Variants in TENM3 observed in about 807,000 individuals in gnomAD.
The protein encoded by TENM3 is teneurin transmembrane protein 3.
A neutral mutation model predicts 255.1 loss-of-function variants in TENM3; 63 were observed. That is an observed-to-expected ratio of 0.25 (90% CI 0.20 to 0.30). TENM3 has a LOEUF of 0.30. TENM3 is among the 10% of genes least tolerant of loss of function. TENM3 has a pLI of 1.00. For missense variants in TENM3, 2,929 were observed against 3,461.1 expected (o/e 0.85, Z 3.86); for synonymous variants, 1,306 against 1,322.3 (o/e 0.99, Z 0.27).
chr4:182,054,649 A>G, the TENM3 span, among the ~76,000 whole-genome samples: 3 of 152,202 alleles, frequency 2.0e-5, no homozygotes, highest in Admixed American at 6.5e-5. Flanking sequence ...TAGATTGGTT[A>G]TAACATGATT....
intron 1 of TENM3, among the ~76,000 whole-genome samples, chr4:182,148,052 A>G (rs1437597995): frequency 5.3e-5 from 8 of 152,308 alleles, no homozygotes; most frequent in African/African-American, 1.9e-4. Flanking sequence ...CTTAGTCTGA[A>G]AACTAATTGT....
intron 3 of TENM3, among the ~76,000 whole-genome samples, chr4:182,436,718 T>C (rs1314267152): frequency 6.6e-6 from 1 of 152,174 alleles, no homozygotes. Flanking sequence ...TTCTAAAAAA[T>C]GCACCAGTGC....
At chr4:182,191,001 T>C (rs1173209880) in intron 1 of TENM3, among the ~76,000 whole-genome samples, 1 of 152,190 alleles carries the variant, frequency 6.6e-6, no homozygotes, top group Non-Finnish European at 1.5e-5. Flanking sequence ...GATATCCTGG[T>C]TAACCATTTT....
rs539755233 is a variant in TENM3 at position 182,753,658 on chromosome 4, T to C, written c.4017+54T>C. 160 of 1,561,546 alleles carry C rather than the reference T, an allele frequency of 1.0e-4. 1 individual carries two copies. The highest frequency in any genetic ancestry group is 1.0e-3 in the Middle Eastern group (6 of 5,904). On this transcript the variant is annotated intron_variant, in intron 21 of 27. Transcript: ENST00000511685. ...TTTTTCCTCTAGGTGACTTGACTTA[T>C]TCAGTCGGTAGACTATGATGGCACC... is the stretch of plus-strand genomic sequence containing the variant.
chr4:182,778,409 C>T (rs1047899270), intron 24 of TENM3, among the ~76,000 whole-genome samples: 3 of 152,248 alleles, frequency 2.0e-5, no homozygotes, highest in Admixed American at 6.5e-5. Context: ...TTAATCTGAG[C>T]GGCACGGCCT....
chr4:182,225,493 T>C (rs1164491512), intron 1 of TENM3, among the ~76,000 whole-genome samples: 1 of 152,034 alleles, frequency 6.6e-6, no homozygotes, highest in Non-Finnish European at 1.5e-5. Context: ...TTTTCAGTGG[T>C]GAATTCTGTG....
the TENM3 span, among the ~76,000 whole-genome samples, chr4:182,066,784 G>A: frequency 5.3e-5 from 8 of 152,002 alleles, no homozygotes; most frequent in East Asian, 1.2e-3. Context: ...GGTGGCAGGC[G>A]CCTGTAGTCC....
chr4:182,670,433 C>T (rs1755105455), intron 6 of TENM3, among the ~76,000 whole-genome samples: 1 of 152,178 alleles, frequency 6.6e-6, no homozygotes, highest in Admixed American at 6.5e-5. Flanking sequence ...TAGTACAACC[C>T]TCTTCTGCCT....
At chr4:182,393,924 A>T (rs1243523604) in intron 3 of TENM3, among the ~76,000 whole-genome samples, 1 of 152,234 alleles carries the variant, frequency 6.6e-6, no homozygotes, top group Admixed American at 6.5e-5. Flanking sequence ...ATATTATGAC[A>T]TACCAGTCAT....
chr4:181,863,008 C>A, the TENM3 span, among the ~76,000 whole-genome samples: 3 of 152,192 alleles, frequency 2.0e-5, no homozygotes, highest in South Asian at 6.2e-4. Context: ...TTCACAAATA[C>A]GCATGAAAAA....
intron 12 of TENM3, among the ~76,000 whole-genome samples, chr4:182,702,965 T>G (rs555251614): frequency 2.6e-5 from 4 of 152,174 alleles, no homozygotes; most frequent in African/African-American, 9.6e-5. Context: ...CTCGATCTCC[T>G]GACCTCGTGA....
the TENM3 span, among the ~76,000 whole-genome samples, chr4:181,508,976 G>A: frequency 2.3e-5 from 3 of 133,212 alleles, no homozygotes; most frequent in East Asian, 2.2e-4. Flanking sequence ...TGAGCAGCAC[G>A]TACAGGCAAT....
At chr4:181,626,320 G>A in the TENM3 span, among the ~76,000 whole-genome samples, 1 of 152,212 alleles carries the variant, frequency 6.6e-6, no homozygotes, top group African/African-American at 2.4e-5. Context: ...GCTGAGGACA[G>A]GAAGGTGGAT....
At chr4:181,699,814 T>G in the TENM3 span, among the ~76,000 whole-genome samples, 1 of 152,188 alleles carries the variant, frequency 6.6e-6, no homozygotes, top group Non-Finnish European at 1.5e-5. Context: ...CACCTGCTAG[T>G]TTAACCTCCA....
chr4:182,206,633 G>A (rs1472821166), intron 1 of TENM3, among the ~76,000 whole-genome samples: 1 of 152,180 alleles, frequency 6.6e-6, no homozygotes, highest in African/African-American at 2.4e-5. Flanking sequence ...AGAACCTTTC[G>A]TGTTTTGTGC....
chr4:182,500,544 A>G (rs1463611160), intron 3 of TENM3, among the ~76,000 whole-genome samples: 4 of 152,182 alleles, frequency 2.6e-5, no homozygotes, highest in African/African-American at 9.6e-5. Flanking sequence ...CTTTAAGCAC[A>G]ATTTAGCAGT....
the TENM3 span, among the ~76,000 whole-genome samples, chr4:181,615,464 A>G: frequency 9.9e-5 from 15 of 152,038 alleles, no homozygotes; most frequent in Non-Finnish European, 2.1e-4. Context: ...CTCTACATCA[A>G]TCCTTCAGTT....
intron 1 of TENM3, among the ~76,000 whole-genome samples, chr4:182,202,633 A>G (rs117782022): frequency 6.6e-6 from 1 of 152,140 alleles, no homozygotes; most frequent in East Asian, 2.0e-4. Context: ...CCCAGGTCCA[A>G]TTCCACTGCT....
chr4:182,160,838 AC>A (rs1751098597), intron 1 of TENM3, among the ~76,000 whole-genome samples: 1 of 152,230 alleles, frequency 6.6e-6, no homozygotes, highest in Admixed American at 6.5e-5. Context: ...TGTTCTCACC[AC>A]AAAGAAATGA....
Sources: gnomAD v4.1 joint callset for allele counts (sites outside exome capture counted in the v4.1 genomes callset) on GRCh38, gnomAD v4.1.1 for gene constraint, MANE v1.5 for transcripts, NCBI Gene and HGNC (gene_info 2026-07-23, HGNC 2026-07-21) for gene names.